ANKFN1: variants seen among roughly 807,000 people sequenced by gnomAD.
ANKFN1 encodes ankyrin repeat and fibronectin type III domain containing 1.
Under a neutral mutation model 108.7 loss-of-function variants are expected in ANKFN1, and 74 were observed. That is an observed-to-expected ratio of 0.68 (90% CI 0.56 to 0.83). The LOEUF is 0.83. ANKFN1 is among the 40% of genes least tolerant of loss of function. The pLI is 0.00. For synonymous variants in ANKFN1, 547 were observed against 516.2 expected (o/e 1.06, Z -0.81); for missense variants, 1,505 against 1,382.3 (o/e 1.09, Z -1.41).
upstream of ANKFN1, among the ~76,000 whole-genome samples, chr17:56,151,617 G>A (rs1023368261): frequency 3.9e-5 from 6 of 152,088 alleles, no homozygotes; most frequent in Admixed American, 6.6e-5. Context: ...AAATAAGCAC[G>A]TACCATGCAA....
chr17:56,287,391 T>A (rs1487437555), intron 3 of ANKFN1, among the ~76,000 whole-genome samples: 1 of 152,150 alleles, frequency 6.6e-6, no homozygotes, highest in African/African-American at 2.4e-5. Context: ...TTCTTATCCT[T>A]GGAATGAAGG....
intron 8 of ANKFN1, among the ~76,000 whole-genome samples, chr17:56,406,535 G>A (rs184394121): frequency 5.3e-5 from 8 of 152,220 alleles, no homozygotes; most frequent in East Asian, 1.9e-4. Context: ...GAGTGTTTAC[G>A]TATTTAATTT....
At chr17:56,151,208 C>T (rs1405312354), upstream of ANKFN1, among the ~76,000 whole-genome samples, 1 of 152,178 alleles carries the variant, frequency 6.6e-6, no homozygotes, top group Non-Finnish European at 1.5e-5. Flanking sequence ...ACCTAACACC[C>T]TCTACCTGCT....
At position 56,098,074 on chromosome 17, in the gene ANKFN1, G is replaced by A. The variant is rs147381154; in HGVS notation, c.288+51749G>A. 1.8e-3 allele frequency among the ~76,000 whole-genome samples: 277 copies of A among 152,242 alleles called. 1 individual carries two copies. Among genetic ancestry groups the A allele is most frequent in the African/African-American group, 6.4e-3 (266 of 41,550 alleles). Reference sequence around the variant, plus strand: ...TATCTTTATAAGAGAGAAGCAGAAGGAGATTGGAGGAGGCAATATAACCAT... The same window carrying A: ...TATCTTTATAAGAGAGAAGCAGAAGAAGATTGGAGGAGGCAATATAACCAT... On this transcript the variant is annotated intron_variant, in intron 4 of 12. Transcript: ENST00000635860.
At chr17:56,305,621 C>A (rs2044798655) in intron 3 of ANKFN1, among the ~76,000 whole-genome samples, 1 of 152,154 alleles carries the variant, frequency 6.6e-6, no homozygotes, top group African/African-American at 2.4e-5. Flanking sequence ...TGAACAGGAT[C>A]TTTCACAAAA....
chr17:56,448,431 GC>G (rs1397741978), intron 10 of ANKFN1, among the ~76,000 whole-genome samples: 1 of 152,186 alleles, frequency 6.6e-6, no homozygotes, highest in Non-Finnish European at 1.5e-5. Context: ...ATTTAAATTT[GC>G]CTTGTAAGCT....
chr17:56,200,745 A>G (rs557287477), intron 1 of ANKFN1, among the ~76,000 whole-genome samples: 4 of 152,350 alleles, frequency 2.6e-5, no homozygotes, highest in African/African-American at 9.6e-5. Context: ...AGATATAGGC[A>G]TATAGATATA....
chr17:56,139,479 C>T (rs1374085315), intron 4 of ANKFN1, among the ~76,000 whole-genome samples: 1 of 152,106 alleles, frequency 6.6e-6, no homozygotes, highest in Non-Finnish European at 1.5e-5. Context: ...TTGTGACCTG[C>T]TCAGTTGGTT....
At chr17:56,416,658 A>G (rs1306808092) in intron 8 of ANKFN1, among the ~76,000 whole-genome samples, 3 of 152,220 alleles carry the variant, frequency 2.0e-5, no homozygotes, top group Non-Finnish European at 4.4e-5. Context: ...GATTTCTCAA[A>G]AAACTAAAAA....
At chr17:56,093,294 G>A (rs1446039918) in intron 4 of ANKFN1, among the ~76,000 whole-genome samples, 1 of 150,988 alleles carries the variant, frequency 6.6e-6, no homozygotes, top group East Asian at 1.9e-4. Flanking sequence ...ACAGGATGTG[G>A]GCCATGGTGT....
intron 4 of ANKFN1, among the ~76,000 whole-genome samples, chr17:56,091,553 G>T (rs1226808493): frequency 6.6e-6 from 1 of 151,024 alleles, no homozygotes; most frequent in Non-Finnish European, 1.5e-5. Context: ...ATGTGGAGCA[G>T]CAGGTTCTTT....
At chr17:56,121,863 G>A (rs745322371) in intron 4 of ANKFN1, among the ~76,000 whole-genome samples, 1 of 152,210 alleles carries the variant, frequency 6.6e-6, no homozygotes, top group Admixed American at 6.5e-5. Context: ...CCTCCTTGCT[G>A]TACTAGACGT....
chr17:56,202,399 A>T (rs1914143245), intron 1 of ANKFN1, among the ~76,000 whole-genome samples: 1 of 152,188 alleles, frequency 6.6e-6, no homozygotes, highest in African/African-American at 2.4e-5. Context: ...AAATACTTGT[A>T]TGCACAGAGA....
intron 3 of ANKFN1, among the ~76,000 whole-genome samples, chr17:56,244,368 C>T (rs1274929826): frequency 1.3e-5 from 2 of 152,074 alleles, no homozygotes; most frequent in African/African-American, 2.4e-5. Context: ...TTTGACATAG[C>T]ATTCCCTGTG....
At chr17:56,392,952 G>C (rs142018901) in intron 8 of ANKFN1, among the ~76,000 whole-genome samples, 3 of 152,168 alleles carry the variant, frequency 2.0e-5, no homozygotes, top group African/African-American at 7.2e-5. Flanking sequence ...TGACCTCCGA[G>C]AGCACCCAGG....
intron 3 of ANKFN1, among the ~76,000 whole-genome samples, chr17:56,248,932 C>A (rs1398176705): frequency 1.3e-5 from 2 of 152,134 alleles, no homozygotes; most frequent in South Asian, 4.1e-4. Flanking sequence ...ACATTGTGAG[C>A]AACCAAACTT....
At chr17:56,067,764 G>A (rs912448163) in intron 4 of ANKFN1, among the ~76,000 whole-genome samples, 5 of 152,140 alleles carry the variant, frequency 3.3e-5, no homozygotes, top group South Asian at 4.1e-4. Flanking sequence ...TACCAGCTGC[G>A]AGTAAATTTT....
intron 3 of ANKFN1, among the ~76,000 whole-genome samples, chr17:56,264,554 T>A (rs2043600169): frequency 6.6e-6 from 1 of 152,350 alleles, no homozygotes; most frequent in African/African-American, 2.4e-5. Context: ...CCCACACATA[T>A]CTCATGTTCC....
intron 4 of ANKFN1, among the ~76,000 whole-genome samples, chr17:56,115,836 G>T (rs1367387227): frequency 1.3e-5 from 2 of 152,294 alleles, no homozygotes; most frequent in African/African-American, 4.8e-5. Context: ...GTTCTAGCAA[G>T]CAGAGTTCTG....
Sources: allele counts gnomAD v4.1 joint callset (sites outside exome capture counted in the v4.1 genomes callset), GRCh38; gene constraint gnomAD v4.1.1; transcripts MANE v1.5; gene names NCBI Gene and HGNC (gene_info 2026-07-23, HGNC 2026-07-21).